The following SNX29 variants were observed in gnomAD, a reference collection of about 807,000 sequenced individuals.
SNX29 encodes sorting nexin-29.
SNX29 carries 78 observed loss-of-function variants against 102.1 expected under a neutral mutation model. That is an observed-to-expected ratio of 0.76 (90% CI 0.64 to 0.92). The LOEUF is 0.92. Among genes scored for constraint, SNX29 ranks in the 40% least tolerant of loss-of-function variants. The pLI is 0.00. For synonymous variants in SNX29, 580 were observed against 414.5 expected, an observed-to-expected ratio of 1.40 and a Z score of -4.85; for missense variants, 1,280 against 1,061.7, an observed-to-expected ratio of 1.21 and a Z score of -2.86.
chr16:12,308,717 T>C (rs2080431481), intron 15 of SNX29, among the ~76,000 whole-genome samples: 1 of 152,178 alleles, frequency 6.6e-6, no homozygotes, highest in East Asian at 1.9e-4. Context: ...AAATGGTATT[T>C]CTAGATGGGT....
chr16:12,055,011 A>T (rs568450872), intron 8 of SNX29, among the ~76,000 whole-genome samples: 12 of 152,112 alleles, frequency 7.9e-5, no homozygotes, highest in Non-Finnish European at 1.3e-4. Context: ...GTTCTTGCTC[A>T]TAGGGTATGA....
intron 3 of SNX29, among the ~76,000 whole-genome samples, chr16:12,014,005 C>T (rs2056765777): frequency 6.6e-6 from 1 of 151,988 alleles, no homozygotes; most frequent in South Asian, 2.1e-4. Flanking sequence ...TTATATTGCC[C>T]AGGCTGGCTT....
chr16:12,109,143 A>AG, intron 11 of SNX29, among the ~76,000 whole-genome samples: 1 of 149,626 alleles, frequency 6.7e-6, no homozygotes, highest in African/African-American at 2.5e-5. Context: ...AAAAAAAAAA[A>AG]AAAAAAAAAA....
chr16:12,567,829 C>G (rs369625828), intron 20 of SNX29, among the ~76,000 whole-genome samples: 1 of 152,162 alleles, frequency 6.6e-6, no homozygotes, highest in South Asian at 2.1e-4. Flanking sequence ...TCTGCTCTCA[C>G]GGTGAAGCCT....
chr16:12,553,514 C>G (rs1242387436), intron 20 of SNX29, among the ~76,000 whole-genome samples: 1 of 152,198 alleles, frequency 6.6e-6, no homozygotes, highest in Non-Finnish European at 1.5e-5. Context: ...CTTGCCATCA[C>G]AGTGCTGGAG....
chr16:12,138,206 C>CT (rs58229550), intron 13 of SNX29, among the ~76,000 whole-genome samples: 28,467 of 122,948 alleles, frequency 0.23, 4,226 homozygotes, highest in Middle Eastern at 0.28. Context: ...ATTTGTCACT[C>CT]TTTTTTTTTT....
At chr16:12,194,902 C>T (rs977779786) in intron 13 of SNX29, among the ~76,000 whole-genome samples, 1 of 152,180 alleles carries the variant, frequency 6.6e-6, no homozygotes, top group Non-Finnish European at 1.5e-5. Flanking sequence ...GCTGGGATTA[C>T]AGGCATGAGC....
intron 14 of SNX29, among the ~76,000 whole-genome samples, chr16:12,239,390 G>A (rs1233601021): frequency 2.6e-5 from 4 of 152,024 alleles, no homozygotes; most frequent in East Asian, 1.9e-4. Flanking sequence ...TTGCTGGGTC[G>A]TATGTAGCCT....
intron 13 of SNX29, among the ~76,000 whole-genome samples, chr16:12,185,562 C>G (rs968383444): frequency 2.0e-5 from 3 of 152,208 alleles, no homozygotes; most frequent in Non-Finnish European, 4.4e-5. Context: ...CCCCCTCCTT[C>G]AATCACCTTT....
chr16:11,992,836 C>G (rs1448488957), intron 1 of SNX29, among the ~76,000 whole-genome samples: 2 of 152,170 alleles, frequency 1.3e-5, no homozygotes, highest in Non-Finnish European at 2.9e-5. Flanking sequence ...ACCTCCACCG[C>G]TGCATGGAGA....
At chr16:12,036,705 C>G (rs2151156979) in intron 4 of SNX29, among the ~76,000 whole-genome samples, 1 of 152,170 alleles carries the variant, frequency 6.6e-6, no homozygotes, top group Admixed American at 6.5e-5. Flanking sequence ...AGTGTTGTCA[C>G]ATTGATGAGA....
chr16:12,377,646 A>G (rs1442022263), intron 16 of SNX29, among the ~76,000 whole-genome samples: 2 of 152,172 alleles, frequency 1.3e-5, no homozygotes, highest in Non-Finnish European at 2.9e-5. Context: ...GTAGGCAATC[A>G]ACAGATAGTA....
At chr16:12,115,164 C>T (rs539047509) in intron 11 of SNX29, among the ~76,000 whole-genome samples, 2 of 152,216 alleles carry the variant, frequency 1.3e-5, no homozygotes, top group African/African-American at 2.4e-5. Context: ...TGAAGTCCGT[C>T]CCTCCCCCTC....
At chr16:11,978,033 C>T (rs1253648700) in intron 1 of SNX29, among the ~76,000 whole-genome samples, 2 of 152,170 alleles carry the variant, frequency 1.3e-5, no homozygotes, top group African/African-American at 4.8e-5. Context: ...CTGCTGTCTT[C>T]AATTTTAACT....
chr16:12,060,966 C>G, intron 8 of SNX29: 1 of 424,618 alleles, frequency 2.4e-6, no homozygotes, highest in Admixed American at 2.6e-5. Flanking sequence ...TCAGATGCAG[C>G]GAGGCGGAGC....
intron 20 of SNX29, among the ~76,000 whole-genome samples, chr16:12,550,650 C>A (rs764618531): frequency 6.6e-6 from 1 of 152,034 alleles, no homozygotes; most frequent in Non-Finnish European, 1.5e-5. Context: ...GTAACCGTCA[C>A]TTAGTGGAGG....
At chr16:12,238,698 T>TA (rs2078012496) in intron 14 of SNX29, among the ~76,000 whole-genome samples, 1 of 152,190 alleles carries the variant, frequency 6.6e-6, no homozygotes, top group Non-Finnish European at 1.5e-5. Flanking sequence ...ATAATAGTGT[T>TA]ACTGGTTCTT....
At position 12,433,649 on chromosome 16, in the gene SNX29, AAG is replaced by A. The variant is rs1491383113; in HGVS notation, c.2037+30121_2037+30122del. Among the ~76,000 whole-genome samples, 78 of 48,284 alleles carry A rather than the reference AAG, an allele frequency of 1.6e-3. 1 individual carries two copies. Among genetic ancestry groups the A allele is most frequent in the African/African-American group, 4.7e-3 (66 of 14,060 alleles). 31.7% of individuals were successfully genotyped at this position (48,284 alleles called of 152,430 possible). ...GCGTCTCAAAAAAAAAAAAAAAAAA[AAG>A]GAAACTTAGCTGGGCGTGGTGGGCG... is the stretch of plus-strand genomic sequence containing the variant. On this transcript the variant is annotated intron_variant, in intron 18 of 20. Coordinates refer to ENST00000566228, the MANE Select transcript of SNX29 (RefSeq NM_032167.5).
At chr16:12,197,342 G>A (rs929535111) in intron 13 of SNX29, among the ~76,000 whole-genome samples, 1 of 152,106 alleles carries the variant, frequency 6.6e-6, no homozygotes, top group Non-Finnish European at 1.5e-5. Flanking sequence ...GGCTGAGGTG[G>A]GCGGATCACT....
Sources: gnomAD v4.1 joint callset for allele counts (sites outside exome capture counted in the v4.1 genomes callset) on GRCh38, gnomAD v4.1.1 for gene constraint, MANE v1.5 for transcripts, NCBI Gene and HGNC (gene_info 2026-07-23, HGNC 2026-07-21) for gene names.